Variants in RAB38 observed in about 807,000 individuals in gnomAD.
RAB38 encodes the protein RAB38, member RAS oncogene family.
In RAB38, 15 loss-of-function variants were observed where a neutral mutation model predicts 18.4. That is an observed-to-expected ratio of 0.82 (90% CI 0.55 to 1.26). The LOEUF (loss-of-function observed/expected upper bound fraction) is 1.26, where lower values mean the gene tolerates loss of function less well. RAB38 is among the 50% of genes most tolerant of loss of function. RAB38 has a pLI of 0.00. For missense variants in RAB38, 294 were observed against 267.4 expected (o/e 1.10, Z -0.69); for synonymous variants, 101 against 104.4 (o/e 0.97, Z 0.20).
the RAB38 span, among the ~76,000 whole-genome samples, chr11:88,028,756 G>A: frequency 8.5e-5 from 13 of 152,318 alleles, no homozygotes; most frequent in East Asian, 2.3e-3. Context: ...CGTCTGATTG[G>A]TGTACATGAA....
At position 88,113,811 on chromosome 11, in the gene RAB38, G is replaced by A; in HGVS notation, c.*177C>T. 1.4e-6 allele frequency: 1 copy of A among 729,676 alleles called. No individual in the cohort carries two copies. The allele number at this position is 729,676 out of a possible 1,614,324, so 45.2% of individuals were successfully genotyped here. On this transcript the variant is annotated 3_prime_UTR_variant, in exon 3 of 3. Coordinates refer to ENST00000243662, the MANE Select transcript of RAB38 (RefSeq NM_022337.3). ...AGTTTGTAAACACTGTGATGATGGTGAGGAAAGCATAGAAAGAACATTTGC... is the reference window on the plus strand; with the variant it reads ...AGTTTGTAAACACTGTGATGATGGTAAGGAAAGCATAGAAAGAACATTTGC...
the RAB38 span, among the ~76,000 whole-genome samples, chr11:87,976,611 T>TTTACATAATATATATAATG: frequency 9.1e-6 from 1 of 109,772 alleles, no homozygotes; most frequent in Admixed American, 1.1e-4. Flanking sequence ...AAATACATAT[T>TTTACATAATATATATAATG]TTACATGATA....
the RAB38 span, among the ~76,000 whole-genome samples, chr11:87,919,934 C>T: frequency 1.3e-5 from 2 of 151,860 alleles, no homozygotes; most frequent in African/African-American, 4.8e-5. Context: ...AATTCACCTA[C>T]CCTAAGTAAG....
the RAB38 span, among the ~76,000 whole-genome samples, chr11:88,100,836 C>G: frequency 6.6e-6 from 1 of 151,874 alleles, no homozygotes; most frequent in African/African-American, 2.4e-5. Flanking sequence ...GTTATAATTT[C>G]AAGTAGACAA....
the RAB38 span, among the ~76,000 whole-genome samples, chr11:87,974,749 G>A: frequency 6.7e-6 from 1 of 150,346 alleles, no homozygotes; most frequent in African/African-American, 2.4e-5. Flanking sequence ...TATATACAGA[G>A]GGATTATTAT....
chr11:87,911,979 T>C, the RAB38 span, among the ~76,000 whole-genome samples: 4 of 152,078 alleles, frequency 2.6e-5, no homozygotes, highest in East Asian at 7.8e-4. Context: ...TCTTTTTTTC[T>C]GTTTTAGTCT....
At chr11:87,915,962 T>A in the RAB38 span, among the ~76,000 whole-genome samples, 1 of 152,150 alleles carries the variant, frequency 6.6e-6, no homozygotes, top group Admixed American at 6.5e-5. Flanking sequence ...GGTTTTTTAT[T>A]TGCTTGGGGC....
the RAB38 span, among the ~76,000 whole-genome samples, chr11:87,921,396 C>T: frequency 1.3e-5 from 2 of 151,842 alleles, no homozygotes; most frequent in African/African-American, 2.4e-5. Flanking sequence ...TTTCGCCCAA[C>T]CGTAGGCTTA....
chr11:88,122,198 T>C (rs1405509490), intron 2 of RAB38, among the ~76,000 whole-genome samples: 2 of 152,196 alleles, frequency 1.3e-5, no homozygotes, highest in Non-Finnish European at 2.9e-5. Context: ...ATTCCCGAGA[T>C]ACATTTTCCA....
At chr11:88,097,140 A>G in the RAB38 span, among the ~76,000 whole-genome samples, 1 of 151,864 alleles carries the variant, frequency 6.6e-6, no homozygotes, top group South Asian at 2.1e-4. Flanking sequence ...TTGCACATAG[A>G]CAAGAGACTT....
the RAB38 span, among the ~76,000 whole-genome samples, chr11:87,966,438 A>G: frequency 1.3e-5 from 2 of 152,150 alleles, no homozygotes; most frequent in Non-Finnish European, 2.9e-5. Flanking sequence ...AGGTTTTCCA[A>G]GGTACTCAGA....
At chr11:87,947,410 A>G in the RAB38 span, among the ~76,000 whole-genome samples, 1 of 152,196 alleles carries the variant, frequency 6.6e-6, no homozygotes, top group East Asian at 1.9e-4. Flanking sequence ...CCATTTGTCA[A>G]TTTTGGCTTT....
At chr11:88,052,687 C>T in the RAB38 span, among the ~76,000 whole-genome samples, 2 of 151,400 alleles carry the variant, frequency 1.3e-5, no homozygotes, top group African/African-American at 4.9e-5. Flanking sequence ...GACTATGCTC[C>T]TGGCAGTTTC....
chr11:87,838,255 C>T, the RAB38 span, among the ~76,000 whole-genome samples: 1 of 152,078 alleles, frequency 6.6e-6, no homozygotes, highest in South Asian at 2.1e-4. Flanking sequence ...GCTGGGACTA[C>T]AGGCGCCTGC....
chr11:88,150,515 T>G (rs1943051105), intron 1 of RAB38, among the ~76,000 whole-genome samples: 1 of 152,112 alleles, frequency 6.6e-6, no homozygotes, highest in South Asian at 2.1e-4. Context: ...ACATAATAAA[T>G]AACAAAATTA....
chr11:87,810,512 A>C, the RAB38 span, among the ~76,000 whole-genome samples: 3 of 152,202 alleles, frequency 2.0e-5, no homozygotes, highest in Non-Finnish European at 4.4e-5. Context: ...GTGTTATTCA[A>C]CATGTCATAT....
chr11:88,046,365 G>A, the RAB38 span, among the ~76,000 whole-genome samples: 1 of 152,100 alleles, frequency 6.6e-6, no homozygotes, highest in Middle Eastern at 3.4e-3. Flanking sequence ...CCACCCCATG[G>A]TGCCAAACCC....
chr11:88,041,928 A>T, the RAB38 span, among the ~76,000 whole-genome samples: 2 of 152,106 alleles, frequency 1.3e-5, no homozygotes, highest in Non-Finnish European at 2.9e-5. Flanking sequence ...AGCTGTTACA[A>T]GCTATGAGGT....
chr11:88,014,585 A>G, the RAB38 span, among the ~76,000 whole-genome samples: 1 of 152,150 alleles, frequency 6.6e-6, no homozygotes, highest in Non-Finnish European at 1.5e-5. Flanking sequence ...TGGATGTAAC[A>G]AGTCATATTA....
Sources: gnomAD v4.1 joint callset for allele counts (sites outside exome capture counted in the v4.1 genomes callset) on GRCh38, gnomAD v4.1.1 for gene constraint, MANE v1.5 for transcripts, NCBI Gene and HGNC (gene_info 2026-07-23, HGNC 2026-07-21) for gene names.